Variants in GABARAPL2 observed in about 807,000 individuals in gnomAD.
The protein encoded by GABARAPL2 is GABA type A receptor associated protein like 2.
In GABARAPL2, 11 loss-of-function variants were observed where a neutral mutation model predicts 16.9. The ratio of observed to expected loss-of-function variants is 0.65; its 90% CI spans 0.41 to 1.08. GABARAPL2 has a LOEUF of 1.08. GABARAPL2 is among the 50% of genes least tolerant of loss of function. The pLI is 0.00. For synonymous variants in GABARAPL2, 57 were observed against 50.7 expected (o/e 1.12, Z -0.53); for missense variants, 134 against 142.5 (o/e 0.94, Z 0.30).
At chr16:75,567,437 C>T (rs570468721) in intron 2 of GABARAPL2, among the ~76,000 whole-genome samples, 1 of 152,250 alleles carries the variant, frequency 6.6e-6, no homozygotes, top group African/African-American at 2.4e-5. Context: ...ATATTTCTTC[C>T]ATGGTTGGGG....
At position 75,577,708 on chromosome 16, in the gene GABARAPL2, T is replaced by C. The variant is rs2080958309; in HGVS notation, c.*339T>C. On this transcript the variant is annotated 3_prime_UTR_variant, in exon 4 of 4. Transcript: ENST00000037243. ...GTGATGCATTTATTCTGGGTTATGC[T>C]TGAAGTGTTAGATGGCTAAGTATTA... 1.5e-5 allele frequency: 3 copies of C among 195,106 alleles called. No individual in the cohort carries two copies. Among genetic ancestry groups the C allele is most frequent in the Non-Finnish European group, 3.2e-5 (3 of 93,846 alleles). The allele number at this position is 195,106 out of a possible 1,614,324, so 12.1% of individuals were successfully genotyped here. A position where few individuals can be genotyped will look rare whatever the true frequency, so the allele number is the denominator to read the frequency against.
At chr16:75,573,041 C>G (rs942594877) in intron 3 of GABARAPL2, among the ~76,000 whole-genome samples, 1 of 152,210 alleles carries the variant, frequency 6.6e-6, no homozygotes, top group Non-Finnish European at 1.5e-5. Context: ...TTAGAGCTGC[C>G]TCTGTGCTGC....
Position 75,566,432 on chromosome 16 carries a change from G to C in GABARAPL2, c.-55G>C. ...GCCGCCGTCGTTGTTGTTGTGCTCGGTGCGCTGAGCTCCGCGGCTCCGCGA... is the reference window on the plus strand; with the variant it reads ...GCCGCCGTCGTTGTTGTTGTGCTCGCTGCGCTGAGCTCCGCGGCTCCGCGA... On this transcript the variant is annotated 5_prime_UTR_variant, in exon 1 of 4. Transcript: ENST00000037243. 1 of 1,360,902 alleles carries C rather than the reference G, an allele frequency of 7.3e-7. No individual in the cohort carries two copies. The highest frequency in any genetic ancestry group is 1.0e-6 in the Non-Finnish European group (1 of 964,022). The allele number at this position is 1,360,902 out of a possible 1,614,324, so 84.3% of individuals were successfully genotyped here.
rs529023564 is a variant in GABARAPL2 at position 75,574,597 on chromosome 16, A to G, written c.264-2682A>G. 2.0e-5 allele frequency among the ~76,000 whole-genome samples: 3 copies of G among 152,196 alleles called. No homozygotes were observed. The South Asian group carries it at 6.2e-4, about 32-fold the overall frequency. ...CCAGGGTAAAAATCTTGGGAGACTCAGCTACATGTTCAAGCCCTTCTGCTA... is the reference window on the plus strand; with the variant it reads ...CCAGGGTAAAAATCTTGGGAGACTCGGCTACATGTTCAAGCCCTTCTGCTA... On this transcript the variant is annotated intron_variant, in intron 3 of 3. Transcript: ENST00000037243.
intron 3 of GABARAPL2, among the ~76,000 whole-genome samples, chr16:75,573,681 C>A (rs751092878): frequency 7.9e-5 from 12 of 152,146 alleles, no homozygotes; most frequent in African/African-American, 2.9e-4. Context: ...CTTGATGTTC[C>A]GATGGTTGGT....
At position 75,577,312 on chromosome 16, in the gene GABARAPL2, A is replaced by C. The variant is rs1352009759; in HGVS notation, c.297A>C (p.Lys99Asn). ...LTMGQLYEKEKDEDGFLYVAY... is the reference protein window; with the variant it reads ...LTMGQLYEKENDEDGFLYVAY... The stretch of plus-strand genomic sequence containing the variant: ...TGGGACAGCTTTACGAGAAGGAAAA[A>C]GATGAAGATGGATTCTTATATGTGG... The change falls in exon 4 of 4, where the codon AAA (lysine) becomes AAC (asparagine). Residue 99 changes from lysine (K) to asparagine (N), a missense_variant. Physicochemically the swap from Lys to Asn is moderately conservative, Grantham distance 94. Transcript: ENST00000037243. The C allele has an allele frequency of 1.5e-5, 24 of 1,612,450 alleles. No individual in the cohort carries two copies. Among genetic ancestry groups the C allele is most frequent in the Non-Finnish European group, 2.0e-5 (24 of 1,178,556 alleles).
intron 3 of GABARAPL2, chr16:75,576,848 A>G (rs2080952604): frequency 6.4e-6 from 1 of 157,218 alleles, no homozygotes; most frequent in Non-Finnish European, 1.4e-5. Flanking sequence ...TGATGTTGAT[A>G]CACCATGTGG....
chr16:75,566,755 C>T lies in GABARAPL2; in HGVS notation c.35-97C>T, dbSNP rs568367985. The T allele has an allele frequency of 1.8e-5, 22 of 1,232,596 alleles. No homozygotes were observed. In the East Asian group the frequency reaches 4.9e-4, roughly 28 times the overall value. The allele number at this position is 1,232,596 out of a possible 1,614,324, so 76.4% of individuals were successfully genotyped here. ...GGCCCCGGGGACGCCGGAACCAGGG[C>T]CTGGGTTGTACGCAGGGCGCAGGAG... On this transcript the variant is annotated intron_variant, in intron 1 of 3. Coordinates refer to ENST00000037243, the MANE Select transcript of GABARAPL2 (RefSeq NM_007285.7).
chr16:75,568,977 C>T (rs1210170760), intron 3 of GABARAPL2, among the ~76,000 whole-genome samples: 2 of 152,160 alleles, frequency 1.3e-5, no homozygotes, highest in Admixed American at 6.5e-5. Context: ...ATTCCAGCCC[C>T]CACCTCTCCC....
chr16:75,569,023 G>T (rs1049190462), intron 3 of GABARAPL2, among the ~76,000 whole-genome samples: 1 of 152,044 alleles, frequency 6.6e-6, no homozygotes, highest in African/African-American at 2.4e-5. Context: ...TTATCTTTGT[G>T]ACCCAATCTA....
At chr16:75,571,917 A>AT (rs1400875051) in intron 3 of GABARAPL2, among the ~76,000 whole-genome samples, 1 of 151,970 alleles carries the variant, frequency 6.6e-6, no homozygotes, top group East Asian at 1.9e-4. Context: ...ACCTCAGGTG[A>AT]TTCGCCGACC....
At chr16:75,567,711 G>T (rs2080892251) in intron 2 of GABARAPL2, among the ~76,000 whole-genome samples, 1 of 152,136 alleles carries the variant, frequency 6.6e-6, no homozygotes, top group African/African-American at 2.4e-5. Flanking sequence ...ATCCATTCTG[G>T]GGTCCTGGAG....
chr16:75,568,303 G>A, intron 3 of GABARAPL2, 94 bp downstream of exon 3: 1 of 825,920 alleles, frequency 1.2e-6, no homozygotes, highest in South Asian at 2.0e-5. Flanking sequence ...AAACTCTTAG[G>A]GGTCCTGACT....
chr16:75,568,352 C>T, intron 3 of GABARAPL2, 143 bp downstream of exon 3: 1 of 568,098 alleles, frequency 1.8e-6, no homozygotes, highest in Admixed American at 2.8e-5. Context: ...TCAGGGGCTC[C>T]AGGAAAATAA....
chr16:75,566,933 C>T, intron 2 of GABARAPL2, 26 bp downstream of exon 2: 1 of 1,590,848 alleles, frequency 6.3e-7, no homozygotes, highest in Non-Finnish European at 8.6e-7. Flanking sequence ...GCCCCCTCAC[C>T]TCGCTGTCAC....
chr16:75,570,315 C>T (rs572779686), intron 3 of GABARAPL2, among the ~76,000 whole-genome samples: 1 of 152,252 alleles, frequency 6.6e-6, no homozygotes, highest in East Asian at 1.9e-4. Flanking sequence ...CATCATTGGG[C>T]TTTATGCAAT....
chr16:75,568,086 G>A lies in GABARAPL2; in HGVS notation c.140G>A (p.Arg47Gln), dbSNP rs1321319512. The A allele has an allele frequency of 3.1e-6, 5 of 1,610,162 alleles. No homozygotes were observed. The highest frequency in any genetic ancestry group is 3.4e-6 in the Non-Finnish European group (4 of 1,176,596). The change falls in exon 3 of 4, where the codon CGG becomes CAG. Residue 47 changes from arginine to glutamine, a missense_variant. Coordinates refer to ENST00000037243, the MANE Select transcript of GABARAPL2 (RefSeq NM_007285.7). ...SGSQIVDIDKRKYLVPSDITV... is the reference protein window; with the variant it reads ...SGSQIVDIDKQKYLVPSDITV... ...TCTCAGATTGTTGACATTGACAAAC[G>A]GAAGTACTTGGTTCCATCTGATATC...
chr16:75,572,050 C>G (rs942636262), intron 3 of GABARAPL2: 1 of 152,006 alleles, frequency 6.6e-6, no homozygotes, highest in Non-Finnish European at 1.5e-5. Flanking sequence ...GTAATCCCAG[C>G]TACTCGGGGG....
intron 1 of GABARAPL2, 154 bp from the exon 2 acceptor site, chr16:75,566,698 C>A: frequency 1.0e-6 from 1 of 962,028 alleles, no homozygotes; most frequent in Non-Finnish European, 1.6e-6. Flanking sequence ...CCTCCGCGGG[C>A]CTTGCTGGGA....
Sources: gnomAD v4.1 joint callset for allele counts (sites outside exome capture counted in the v4.1 genomes callset) on GRCh38, gnomAD v4.1.1 for gene constraint, MANE v1.5 for transcripts, NCBI Gene and HGNC (gene_info 2026-07-23, HGNC 2026-07-21) for gene names.